TTC21A: variants seen among roughly 807,000 people sequenced by gnomAD.
TTC21A encodes tetratricopeptide repeat domain 21A.
A neutral mutation model predicts 156.4 loss-of-function variants in TTC21A; 128 were observed. The ratio of observed to expected loss-of-function variants is 0.82; its 90% CI spans 0.71 to 0.95. The LOEUF (loss-of-function observed/expected upper bound fraction) is 0.95. Ranked by LOEUF, TTC21A falls within the 40% of genes least tolerant of loss-of-function variation. The pLI, the probability that TTC21A is intolerant of heterozygous loss-of-function variation, is 0.00. For missense variants in TTC21A, 1,435 were observed against 1,602.3 expected, an observed-to-expected ratio of 0.90 and a Z score of 1.78; for synonymous variants, 587 against 617.1, an observed-to-expected ratio of 0.95 and a Z score of 0.72.
intron 1 of TTC21A, among the ~76,000 whole-genome samples, chr3:39,108,715 A>G (rs2036499613): frequency 6.6e-6 from 1 of 152,242 alleles, no homozygotes; most frequent in East Asian, 1.9e-4. Flanking sequence ...TGCACAGGAT[A>G]GTGGATATGA....
At position 39,123,347 on chromosome 3, in the gene TTC21A, A is replaced by G. The variant is rs2037933111; in HGVS notation, c.1094-1716A>G. Among the ~76,000 whole-genome samples, 5 of 152,338 alleles carry G rather than the reference A, an allele frequency of 3.3e-5. 1 individual carries two copies. The South Asian group carries it at 8.3e-4, about 25-fold the overall frequency. On this transcript the variant is annotated intron_variant, in intron 9 of 28. Transcript: ENST00000683103. ...AAGTAGAATAGCTTGCTTCAAACAGATGAGATTTGTCCTCCCAACATCAAA... is the reference window on the plus strand; with the variant it reads ...AAGTAGAATAGCTTGCTTCAAACAGGTGAGATTTGTCCTCCCAACATCAAA...
chr3:39,134,233 G>A lies in TTC21A; in HGVS notation c.2767G>A (p.Ala923Thr), dbSNP rs1244316139. 21 of 1,613,294 alleles carry A rather than the reference G, an allele frequency of 1.3e-5. No individual in the cohort carries two copies. In the South Asian group the frequency reaches 1.8e-4, roughly 13 times the overall value. ...PTDNKVMLELAQLYLLQGHLD... is the reference protein window; with the variant it reads ...PTDNKVMLELTQLYLLQGHLD... The stretch of plus-strand genomic sequence containing the variant: ...CTTGTCCCAGGTGATGCTGGAGCTG[G>A]CGCAGCTCTACCTGCTCCAGGGGCA... The change falls in exon 21 of 29, where the codon GCG becomes ACG. Residue 923 changes from alanine (A) to threonine (T), a missense_variant. By Grantham distance (58) the Ala-to-Thr change is moderately conservative (BLOSUM62 0). Transcript: ENST00000683103. The surrounding 1 kb of genome is among the most constrained non-coding windows in gnomAD (Gnocchi z 4.6).
rs368012166 is a variant in TTC21A, at chr3:39,110,105, C to T, written c.234C>T (p.Ala78=). 1.1e-5 allele frequency: 17 copies of T among 1,614,126 alleles called. 1 individual carries two copies. In the East Asian group the frequency reaches 1.8e-4, roughly 17 times the overall value. ...HPDVSLCSTM[A]LIYAHKRCEI... ...ACGTGTCCCTGTGCTCCACCATGGC[C>T]CTCATTTATGCTCACAAAAGATGTG... The change falls in exon 3 of 29, where the codon GCC becomes GCT. Residue 78 remains alanine (A), a synonymous_variant. Transcript: ENST00000683103.
intron 25 of TTC21A, 23 bp downstream of exon 25, chr3:39,137,410 G>T (rs1310245762): frequency 1.2e-6 from 2 of 1,609,168 alleles, no homozygotes; most frequent in Non-Finnish European, 1.7e-6. Context: ...GGGACTGGCG[G>T]GCATGGGCAG....
rs774049521 is a variant in TTC21A, at chr3:39,109,099, C to CTA, written c.45_46dup (p.Ser16IlefsTer27). On this transcript the variant is annotated frameshift_variant, in exon 2 of 29. Coordinates refer to ENST00000683103, the MANE Select transcript of TTC21A (RefSeq NM_001366900.1). LOFTEE classifies it high-confidence loss of function. ...CCTTCATACAGGCTGGGATCATTTA[C>CTA]TATAGCCAGGAAAAGTACTTCCACC... The CTA allele has an allele frequency of 6.2e-7, 1 of 1,614,012 alleles. No homozygotes were observed. The highest frequency in any genetic ancestry group is 2.2e-5 in the East Asian group (1 of 44,882).
At position 39,117,701 on chromosome 3, in the gene TTC21A, C is replaced by G. The variant is rs538151537; in HGVS notation, c.717-368C>G. ...GATGACAGCTTAACTCTGGGGAGTC[C>G]CAGGCCCCTCTGTCTTGTTGCTCTG... On this transcript the variant is annotated intron_variant, in intron 6 of 28. Coordinates refer to ENST00000683103, the MANE Select transcript of TTC21A (RefSeq NM_001366900.1). 2.6e-5 allele frequency among the ~76,000 whole-genome samples: 4 copies of G among 152,254 alleles called. No homozygotes were observed. The East Asian group carries it at 7.7e-4, about 29-fold the overall frequency.
chr3:39,109,320 AAC>A (rs1575486042), intron 2 of TTC21A, 106 bp downstream of exon 2: 1 of 1,305,534 alleles, frequency 7.7e-7, no homozygotes, highest in East Asian at 2.4e-5. Context: ...GTCCCATAAA[AAC>A]AGTTTCACAC....
chr3:39,110,155 C>T lies in TTC21A; in HGVS notation c.268+16C>T. 6.3e-7 allele frequency: 1 copy of T among 1,588,758 alleles called. No homozygotes were observed. Among genetic ancestry groups the T allele is most frequent in the South Asian group, 1.1e-5 (1 of 90,344 alleles). On this transcript the variant is annotated intron_variant, in intron 3 of 28. Coordinates refer to ENST00000683103, the MANE Select transcript of TTC21A (RefSeq NM_001366900.1). ...GAAATCATTGGTGAGTGCCACCATG[C>T]TCAACCAGGCCTGACCCACCAGGGG...
intron 23 of TTC21A, 124 bp from the exon 24 acceptor site, chr3:39,136,775 G>A: frequency 7.6e-7 from 1 of 1,316,006 alleles, no homozygotes; most frequent in South Asian, 1.4e-5. Flanking sequence ...TCTCCTCCAG[G>A]GGAGCTGGGA....
chr3:39,109,165 C>T lies in TTC21A; in HGVS notation c.108C>T (p.Ser36=). The T allele has an allele frequency of 6.2e-7, 1 of 1,614,150 alleles. No individual in the cohort carries two copies. The highest frequency in any genetic ancestry group is 8.5e-7 in the Non-Finnish European group (1 of 1,179,990). The change falls in exon 2 of 29, where the codon AGC becomes AGT. Residue 36 remains serine (S), a synonymous_variant. Transcript: ENST00000683103. ...QAAAVGLEKF[S]NDPVLKFFKA... is the part of the protein sequence containing the mutation. ...CAGCTGTGGGCCTGGAAAAATTCAG[C>T]AATGACCCTGTGTTGAAGTTCTTTA...
rs1367917829 is a variant in TTC21A, at chr3:39,130,194, C to G, written c.2208+43C>G. On this transcript the variant is annotated intron_variant, in intron 16 of 28. Transcript: ENST00000683103. This position sits in a 1 kb window ranked among gnomAD's most constrained non-coding sequence, Gnocchi z 4.5. ...CAGCCTTGCCAAGTGGCCCCCCAGT[C>G]TCCCTTCTCCAGTGGGAGAGAAGAG... 2.5e-6 allele frequency: 4 copies of G among 1,611,952 alleles called. No homozygotes were observed. The highest frequency in any genetic ancestry group is 3.4e-6 in the Non-Finnish European group (4 of 1,178,618).
At chr3:39,111,985 C>T (rs548639824) in intron 4 of TTC21A, among the ~76,000 whole-genome samples, 118 of 152,300 alleles carry the variant, frequency 7.7e-4, no homozygotes, top group Non-Finnish European at 1.3e-3. Context: ...CCTGCTCACC[C>T]ACTCAGAGGG....
In TTC21A at chr3:39,112,473, G is replaced by C. The variant is rs754707606; in HGVS notation, c.451G>C (p.Gly151Arg). 1 of 1,614,192 alleles carries C rather than the reference G, an allele frequency of 6.2e-7. No homozygotes were observed. The highest frequency in any genetic ancestry group is 8.5e-7 in the Non-Finnish European group (1 of 1,180,042). Residue 151 changes from glycine to arginine, a missense_variant, in exon 5 of 29, where the codon GGC becomes CGC. Transcript: ENST00000683103. ...RGFREAYVLR[G>R]WVDLTSDKPH... ...CTCATCCCAGGCCTATGTGCTCAGA[G>C]GCTGGGTGGACCTGACCTCAGACAA...
In TTC21A at chr3:39,136,917, C is replaced by T. The variant is rs180728373; in HGVS notation, c.3114C>T (p.Asn1038=). The part of the protein sequence containing the change: ...GIYCWHIGQP[N]EALKFLNKAR... ...ACCACAGGCACATAGGGCAGCCCAACGAAGCCTTAAAGTTCCTGAACAAGG... is the reference window on the plus strand; with the variant it reads ...ACCACAGGCACATAGGGCAGCCCAATGAAGCCTTAAAGTTCCTGAACAAGG... The change falls in exon 24 of 29, where the codon AAC becomes AAT. Residue 1038 remains asparagine, a synonymous_variant. Coordinates refer to ENST00000683103, the MANE Select transcript of TTC21A (RefSeq NM_001366900.1). 75 of 1,614,104 alleles carry T rather than the reference C, an allele frequency of 4.6e-5. No homozygotes were observed. In the East Asian group the frequency reaches 5.1e-4, roughly 11 times the overall value.
rs750220579 is a variant in TTC21A, at chr3:39,138,248, T to C, written c.3676-19T>C. Reference sequence around the variant, plus strand: ...TGGGGCTTCCGCTCTGCAGAGGCTCTAACTGGCTTTCCCTGCAGTCCTGCT... The same window carrying C: ...TGGGGCTTCCGCTCTGCAGAGGCTCCAACTGGCTTTCCCTGCAGTCCTGCT... On this transcript the variant is annotated intron_variant, in intron 26 of 28. Transcript: ENST00000683103. 2 of 1,613,858 alleles carry C rather than the reference T, an allele frequency of 1.2e-6. No homozygotes were observed. Among genetic ancestry groups the C allele is most frequent in the Admixed American group, 1.7e-5 (1 of 60,010 alleles).
intron 12 of TTC21A, among the ~76,000 whole-genome samples, chr3:39,127,531 C>T (rs1252787764): frequency 6.6e-6 from 1 of 152,192 alleles, no homozygotes; most frequent in African/African-American, 2.4e-5. Flanking sequence ...TTCACATTTC[C>T]ACAGCACATA....
At chr3:39,119,193 T>C (rs1033572177) in intron 7 of TTC21A, 1 of 152,188 alleles carries the variant, frequency 6.6e-6, no homozygotes, top group African/African-American at 2.4e-5. Flanking sequence ...CAGTTCTAAT[T>C]TTGTTCATAC....
intron 14 of TTC21A, 45 bp downstream of exon 14, chr3:39,128,977 G>A: frequency 6.2e-7 from 1 of 1,610,544 alleles, no homozygotes; most frequent in South Asian, 1.1e-5. Flanking sequence ...GGGCACACTG[G>A]AGGCTCAGGG....
rs1164980451 is a variant in TTC21A at position 39,110,148 on chromosome 3, C to T, written c.268+9C>T. On this transcript the variant is annotated intron_variant, in intron 3 of 28. Transcript: ENST00000683103. ...AAGATGTGAAATCATTGGTGAGTGC[C>T]ACCATGCTCAACCAGGCCTGACCCA... The T allele has an allele frequency of 6.2e-7, 1 of 1,602,824 alleles. No individual in the cohort carries two copies.
Sources: allele counts gnomAD v4.1 joint callset (sites outside exome capture counted in the v4.1 genomes callset), GRCh38; gene constraint gnomAD v4.1.1; non-coding constraint Gnocchi (gnomAD v3.1); transcripts MANE v1.5; gene names NCBI Gene and HGNC (gene_info 2026-07-23, HGNC 2026-07-21).